The following AFG2A variants were observed in gnomAD, a reference collection of about 807,000 sequenced individuals.
AFG2A encodes AAA ATPase AFG2A.
the AFG2A span, among the ~76,000 whole-genome samples, chr4:123,089,953 T>C: frequency 1.3e-5 from 2 of 152,106 alleles, no homozygotes; most frequent in East Asian, 1.9e-4. Context: ...TAGAGGATAG[T>C]GTGTTTAGAA....
At chr4:123,105,464 T>C in the AFG2A span, among the ~76,000 whole-genome samples, 110,513 of 152,128 alleles carry the variant, frequency 0.73, 40,781 homozygotes, top group East Asian at 0.97. Context: ...AGGAGTAATA[T>C]TGACTTTCAA....
chr4:123,114,102 CAG>C, the AFG2A span, among the ~76,000 whole-genome samples: 5 of 152,064 alleles, frequency 3.3e-5, no homozygotes, highest in African/African-American at 9.7e-5. Flanking sequence ...CAGCTCTCAG[CAG>C]AGAGGGTAGC....
At chr4:123,292,296 G>A in the AFG2A span, among the ~76,000 whole-genome samples, 1 of 151,834 alleles carries the variant, frequency 6.6e-6, no homozygotes, top group Non-Finnish European at 1.5e-5. Context: ...TCTTTATGTT[G>A]GTTTTCAATT....
the AFG2A span, among the ~76,000 whole-genome samples, chr4:123,038,747 C>T: frequency 1.3e-5 from 2 of 152,026 alleles, no homozygotes; most frequent in African/African-American, 4.8e-5. Flanking sequence ...TGAATTATTC[C>T]AATGCGTATT....
At chr4:123,132,751 C>T in the AFG2A span, among the ~76,000 whole-genome samples, 19 of 150,716 alleles carry the variant, frequency 1.3e-4, no homozygotes, top group Admixed American at 5.9e-4. Context: ...GCATCTCTTC[C>T]GCATCTCTTC....
chr4:123,238,744 A>T, the AFG2A span, among the ~76,000 whole-genome samples: 1 of 152,204 alleles, frequency 6.6e-6, no homozygotes. Flanking sequence ...AGAACAGAAA[A>T]GCTGAAAATT....
At chr4:123,079,699 G>A in the AFG2A span, among the ~76,000 whole-genome samples, 14 of 146,570 alleles carry the variant, frequency 9.6e-5, no homozygotes, top group East Asian at 2.0e-4. Flanking sequence ...TACTTGACTC[G>A]AAAATATTTG....
At chr4:122,981,982 A>G in the AFG2A span, among the ~76,000 whole-genome samples, 1 of 151,016 alleles carries the variant, frequency 6.6e-6, no homozygotes, top group Non-Finnish European at 1.5e-5. Context: ...TTCAATTCGG[A>G]TGCTTTTTAT....
At chr4:123,255,715 CTATTTTT>C in the AFG2A span, among the ~76,000 whole-genome samples, 2 of 103,906 alleles carry the variant, frequency 1.9e-5, no homozygotes, top group Non-Finnish European at 3.8e-5. Flanking sequence ...TACTGCTTTT[CTATTTTT>C]TTTTTTTTTT....
the AFG2A span, among the ~76,000 whole-genome samples, chr4:123,159,414 C>T: frequency 2.6e-5 from 4 of 152,072 alleles, no homozygotes; most frequent in Non-Finnish European, 5.9e-5. Context: ...GTGTTGCAGT[C>T]AAGAGGCGTT....
the AFG2A span, among the ~76,000 whole-genome samples, chr4:123,258,488 A>T: frequency 6.6e-6 from 1 of 152,190 alleles, no homozygotes; most frequent in Non-Finnish European, 1.5e-5. Flanking sequence ...TTTTTAAATT[A>T]GATTTAGGAA....
At chr4:123,226,852 C>G in the AFG2A span, among the ~76,000 whole-genome samples, 2 of 151,592 alleles carry the variant, frequency 1.3e-5, no homozygotes, top group Admixed American at 6.6e-5. Flanking sequence ...GACTTTTTTT[C>G]GTTGGTAAGC....
At chr4:122,948,275 A>G in the AFG2A span, among the ~76,000 whole-genome samples, 1 of 151,964 alleles carries the variant, frequency 6.6e-6, no homozygotes, top group African/African-American at 2.4e-5. Flanking sequence ...TGCAAGTACT[A>G]TGCCATTAAC....
At chr4:123,267,622 G>C in the AFG2A span, among the ~76,000 whole-genome samples, 1 of 152,010 alleles carries the variant, frequency 6.6e-6, no homozygotes, top group Non-Finnish European at 1.5e-5. Flanking sequence ...TTAAGGAGCG[G>C]TTTTATGATT....
the AFG2A span, among the ~76,000 whole-genome samples, chr4:122,945,516 G>C: frequency 6.6e-6 from 1 of 152,194 alleles, no homozygotes; most frequent in Non-Finnish European, 1.5e-5. Context: ...TATTAGGGTG[G>C]GAGTGACCCG....
At chr4:123,087,234 G>A in the AFG2A span, among the ~76,000 whole-genome samples, 2 of 152,264 alleles carry the variant, frequency 1.3e-5, no homozygotes, top group East Asian at 3.9e-4. Context: ...GTGTTCCATG[G>A]TCCTGTGATT....
the AFG2A span, among the ~76,000 whole-genome samples, chr4:122,959,609 A>T: frequency 3.9e-5 from 6 of 152,214 alleles, no homozygotes; most frequent in Non-Finnish European, 2.9e-5. Context: ...TAATGGCATG[A>T]ATTGAAGTGA....
the AFG2A span, among the ~76,000 whole-genome samples, chr4:123,136,247 C>T: frequency 3.3e-5 from 5 of 152,160 alleles, no homozygotes; most frequent in African/African-American, 1.2e-4. Flanking sequence ...AGAAGGTAGT[C>T]TGTTGGCCGG....
chr4:123,014,455 G>C, the AFG2A span, among the ~76,000 whole-genome samples: 1 of 151,740 alleles, frequency 6.6e-6, no homozygotes, highest in Non-Finnish European at 1.5e-5. Flanking sequence ...AAAGCTCATT[G>C]TGTAAATGGT....
Sources: gnomAD v4.1 joint callset for allele counts (sites outside exome capture counted in the v4.1 genomes callset) on GRCh38, gnomAD v4.1.1 for gene constraint, MANE v1.5 for transcripts, NCBI Gene and HGNC (gene_info 2026-07-23, HGNC 2026-07-21) for gene names.